Variants in PRKCZ observed in about 807,000 individuals in gnomAD.
PRKCZ encodes protein kinase C zeta type.
In PRKCZ, 33 loss-of-function variants were observed where a neutral mutation model predicts 79.5. That is an observed-to-expected ratio of 0.41 (90% CI 0.31 to 0.55). The LOEUF (loss-of-function observed/expected upper bound fraction) is 0.55, where lower values mean the gene tolerates loss of function less well. Among genes scored for constraint, PRKCZ ranks in the 20% least tolerant of loss-of-function variants. PRKCZ has a pLI of 0.19. For synonymous variants in PRKCZ, 342 were observed against 320.9 expected (o/e 1.07, Z -0.70); for missense variants, 578 against 813.5 (o/e 0.71, Z 3.52).
intron 4 of PRKCZ, among the ~76,000 whole-genome samples, chr1:2,103,802 C>T (rs1318690723): frequency 1.3e-5 from 2 of 152,010 alleles, no homozygotes; most frequent in Non-Finnish European, 2.9e-5. Flanking sequence ...CGGGTGAGTG[C>T]TGGCCGCTCC....
intron 5 of PRKCZ, among the ~76,000 whole-genome samples, chr1:2,137,106 TGCC>T (rs1215590737): frequency 1.3e-5 from 2 of 152,188 alleles, no homozygotes; most frequent in African/African-American, 4.8e-5. Flanking sequence ...CTTCAGCCTC[TGCC>T]AGAGGCTCCA....
chr1:2,154,359 A>G (rs2103266074), intron 9 of PRKCZ, among the ~76,000 whole-genome samples: 1 of 152,212 alleles, frequency 6.6e-6, no homozygotes, highest in African/African-American at 2.4e-5. Flanking sequence ...AAGCCACTCC[A>G]TTGGATCTGC....
chr1:2,181,469 C>T (rs1489196776), intron 16 of PRKCZ, among the ~76,000 whole-genome samples: 1 of 152,188 alleles, frequency 6.6e-6, no homozygotes, highest in Non-Finnish European at 1.5e-5. Context: ...TTCAAACGCA[C>T]TGCTCTGAGA....
At chr1:2,114,935 TA>T (rs1164312351) in intron 4 of PRKCZ, among the ~76,000 whole-genome samples, 3 of 152,216 alleles carry the variant, frequency 2.0e-5, no homozygotes, top group African/African-American at 4.8e-5. Context: ...CAAAACTCCC[TA>T]AAACATGAAA....
intron 4 of PRKCZ, among the ~76,000 whole-genome samples, chr1:2,088,754 C>T (rs769353062): frequency 3.3e-5 from 5 of 152,224 alleles, no homozygotes; most frequent in Non-Finnish European, 7.3e-5. Flanking sequence ...CGTCTCTTCA[C>T]TCACAGACTC....
At chr1:2,078,373 T>G (rs1662831144) in intron 4 of PRKCZ, among the ~76,000 whole-genome samples, 1 of 152,246 alleles carries the variant, frequency 6.6e-6, no homozygotes, top group Non-Finnish European at 1.5e-5. Flanking sequence ...GAAAGAATTT[T>G]CCCTCTGCAT....
At chr1:2,071,710 C>T (rs1343444176) in intron 4 of PRKCZ, among the ~76,000 whole-genome samples, 1 of 152,218 alleles carries the variant, frequency 6.6e-6, no homozygotes, top group Non-Finnish European at 1.5e-5. Flanking sequence ...AGTGGTCGTG[C>T]TGCTGAGCCG....
intron 4 of PRKCZ, among the ~76,000 whole-genome samples, chr1:2,063,220 G>T (rs1279887246): frequency 6.6e-6 from 1 of 152,248 alleles, no homozygotes; most frequent in Non-Finnish European, 1.5e-5. Context: ...TGATGCTGCT[G>T]TGAGCACGGG....
At chr1:2,051,574 C>T (rs1659662172) in intron 1 of PRKCZ, among the ~76,000 whole-genome samples, 1 of 152,252 alleles carries the variant, frequency 6.6e-6, no homozygotes, top group Non-Finnish European at 1.5e-5. Flanking sequence ...CGGACTTGCA[C>T]TGGCTGGTCC....
intron 16 of PRKCZ, among the ~76,000 whole-genome samples, chr1:2,183,091 C>T (rs965341091): frequency 1.3e-5 from 2 of 152,092 alleles, no homozygotes; most frequent in Non-Finnish European, 2.9e-5. Context: ...ATTAGCCAGG[C>T]GTGGTGGCGG....
intron 4 of PRKCZ, among the ~76,000 whole-genome samples, chr1:2,105,669 G>A (rs1668272527): frequency 6.6e-6 from 1 of 152,184 alleles, no homozygotes; most frequent in Admixed American, 6.5e-5. Context: ...CAAAGTGCTG[G>A]GATTACAGGC....
intron 4 of PRKCZ, among the ~76,000 whole-genome samples, chr1:2,085,648 G>A (rs1485627623): frequency 1.3e-5 from 2 of 149,408 alleles, no homozygotes; most frequent in Non-Finnish European, 3.0e-5. Flanking sequence ...TGAGGACGTC[G>A]GGGGGCCCTG....
Position 2,103,765 on chromosome 1 carries a change from G to C in PRKCZ, c.335-31497G>C, listed in dbSNP as rs991122403. ...AAGGGAAAACAGGGATAGCAAAGTAGATGGGAAGGAAGGGCCTCTGGGGCG... is the reference window on the plus strand; with the variant it reads ...AAGGGAAAACAGGGATAGCAAAGTACATGGGAAGGAAGGGCCTCTGGGGCG... On this transcript the variant is annotated intron_variant, in intron 4 of 17. Coordinates refer to ENST00000378567, the MANE Select transcript of PRKCZ (RefSeq NM_002744.6). 5.3e-5 allele frequency among the ~76,000 whole-genome samples: 8 copies of C among 152,348 alleles called. No individual in the cohort carries two copies. The South Asian group carries it at 1.7e-3, about 32-fold the overall frequency.
At chr1:2,166,352 G>A (rs965383169) in intron 10 of PRKCZ, among the ~76,000 whole-genome samples, 32 of 152,288 alleles carry the variant, frequency 2.1e-4, no homozygotes, top group African/African-American at 2.6e-4. Flanking sequence ...CTGGGAGGTC[G>A]AGGCTGCAGT....
At chr1:2,131,534 C>A (rs1674951208) in intron 4 of PRKCZ, among the ~76,000 whole-genome samples, 1 of 152,202 alleles carries the variant, frequency 6.6e-6, no homozygotes, top group Non-Finnish European at 1.5e-5. Context: ...TTGAAATTAT[C>A]CTCTCTGTCC....
At chr1:2,071,290 C>G (rs774429001) in intron 4 of PRKCZ, 1 of 429,416 alleles carries the variant, frequency 2.3e-6, no homozygotes, top group African/African-American at 2.1e-5. Flanking sequence ...TGCCGTCTCT[C>G]CCACCCAGGG....
Position 2,127,620 on chromosome 1 carries a change from C to T in PRKCZ, c.335-7642C>T, listed in dbSNP as rs943646972. The stretch of plus-strand genomic sequence containing the variant: ...GCTGGGAGCGTTCTGGCCTGAAATG[C>T]AGTGGGAGCTCTGGTGCAGGTGTAG... On this transcript the variant is annotated intron_variant, in intron 4 of 17. Transcript: ENST00000378567. The surrounding 1 kb of genome is among the most constrained non-coding windows in gnomAD (Gnocchi z 5.1). Among the ~76,000 whole-genome samples the T allele has an allele frequency of 6.6e-6, 1 of 152,258 alleles. No homozygotes were observed. The highest frequency in any genetic ancestry group is 1.5e-5 in the Non-Finnish European group (1 of 68,044).
At chr1:2,134,895 A>AG (rs1675855421) in intron 4 of PRKCZ, 1 of 166,436 alleles carries the variant, frequency 6.0e-6, no homozygotes, top group Admixed American at 6.0e-5. Context: ...CCTGGGGAGG[A>AG]GGGGGGTGGA....
At chr1:2,118,655 G>A (rs1426824943) in intron 4 of PRKCZ, among the ~76,000 whole-genome samples, 1 of 147,986 alleles carries the variant, frequency 6.8e-6, no homozygotes, top group African/African-American at 2.5e-5. Flanking sequence ...CTCTTTAGAT[G>A]AAAATATTAT....
Sources: gnomAD v4.1 joint callset for allele counts (sites outside exome capture counted in the v4.1 genomes callset) on GRCh38, gnomAD v4.1.1 for gene constraint, Gnocchi (gnomAD v3.1) non-coding constraint, MANE v1.5 for transcripts, NCBI Gene and HGNC (gene_info 2026-07-23, HGNC 2026-07-21) for gene names.